The following GRB10 variants were observed in gnomAD, a reference collection of about 807,000 sequenced individuals.
GRB10 encodes growth factor receptor-bound protein 10.
A neutral mutation model predicts 80.9 loss-of-function variants in GRB10; 20 were observed. The ratio of observed to expected loss-of-function variants is 0.25; its 90% confidence interval spans 0.17 to 0.36. GRB10 has a LOEUF of 0.36. Ranked by LOEUF, GRB10 falls within the 10% of genes least tolerant of loss-of-function variation. GRB10 has a pLI of 1.00. For missense variants in GRB10, 548 were observed against 747.7 expected (o/e 0.73, Z 3.12); for synonymous variants, 291 against 291.5 (o/e 1.00, Z 0.02).
chr7:50,606,280 CAT>C, intron 14 of GRB10, 55 bp downstream of exon 14: 1 of 1,339,556 alleles, frequency 7.5e-7, no homozygotes, highest in Non-Finnish European at 1.1e-6. Flanking sequence ...GTCCTTAACA[CAT>C]GTGATGCAGA....
chr7:50,593,215 G>A, intron 18 of GRB10, 117 bp from the exon 19 acceptor site: 5 of 1,172,186 alleles, frequency 4.3e-6, no homozygotes, highest in Non-Finnish European at 6.3e-6. Context: ...GGGACACACA[G>A]GGCAAGGTAG....
intron 4 of GRB10, chr7:50,710,957 C>A: frequency 6.7e-7 from 1 of 1,500,164 alleles, no homozygotes; most frequent in Non-Finnish European, 9.3e-7. Flanking sequence ...GTGGCTGTGT[C>A]CTCAGCCTGC....
At chr7:50,703,045 C>T (rs944121677) in intron 5 of GRB10, among the ~76,000 whole-genome samples, 2 of 152,176 alleles carry the variant, frequency 1.3e-5, no homozygotes, top group Admixed American at 6.5e-5. Flanking sequence ...AAAAGATGAT[C>T]CCAAAATTAT....
chr7:50,607,927 T>G (rs2048823068), intron 13 of GRB10, among the ~76,000 whole-genome samples: 1 of 152,182 alleles, frequency 6.6e-6, no homozygotes, highest in Non-Finnish European at 1.5e-5. Flanking sequence ...CAGCTCTTCT[T>G]TCATGGGATC....
Position 50,670,429 on chromosome 7 carries a change from A to G in GRB10, c.363-566T>C, listed in dbSNP as rs541496903. Among the ~76,000 whole-genome samples, 31 of 151,626 alleles carry G rather than the reference A, an allele frequency of 2.0e-4. 1 individual carries two copies. Among genetic ancestry groups the G allele is most frequent in the South Asian group, 1.5e-3 (7 of 4,788 alleles). Reference sequence around the variant, plus strand: ...GTTAATATGGTAAATTTTATGTTACATGTATTTTACTAAAACGAAAACTTT... The same window carrying G: ...GTTAATATGGTAAATTTTATGTTACGTGTATTTTACTAAAACGAAAACTTT... On this transcript the variant is annotated intron_variant, in intron 6 of 18. Coordinates refer to ENST00000401949, the MANE Select transcript of GRB10 (RefSeq NM_001350814.2).
At chr7:50,672,314 G>A (rs547103122) in intron 6 of GRB10, among the ~76,000 whole-genome samples, 2 of 152,288 alleles carry the variant, frequency 1.3e-5, no homozygotes, top group East Asian at 3.9e-4. Context: ...GCTGTGCCAC[G>A]GTTTCCTCAG....
rs1261111679 is a variant in GRB10, at chr7:50,612,962, G to A, written c.1096-123C>T. On this transcript the variant is annotated intron_variant, in intron 12 of 18. Transcript: ENST00000401949. ...CAGCTGGAGATCCCCCTAGCAAGGA[G>A]CACAGCAGATACACACACACCTGTG... The A allele has an allele frequency of 1.3e-5, 9 of 719,484 alleles. No homozygotes were observed. In the African/African-American group the frequency reaches 1.4e-4, roughly 11 times the overall value. 44.6% of individuals were successfully genotyped at this position (719,484 alleles called of 1,614,324 possible). A position where few individuals can be genotyped will look rare whatever the true frequency, so the allele number is the denominator to read the frequency against.
chr7:50,647,168 T>TA (rs60957260), intron 7 of GRB10, among the ~76,000 whole-genome samples: 40,729 of 152,156 alleles, frequency 0.27, 6,668 homozygotes, highest in Middle Eastern at 0.5. Flanking sequence ...TATCAGTGTC[T>TA]AAATAGAGAC....
At chr7:50,663,604 C>T (rs1193065558) in intron 7 of GRB10, among the ~76,000 whole-genome samples, 4 of 152,264 alleles carry the variant, frequency 2.6e-5, no homozygotes, top group African/African-American at 9.6e-5. Flanking sequence ...TCATACTGGA[C>T]TGCTGACTGG....
chr7:50,666,587 T>TA (rs2059827174), intron 7 of GRB10, among the ~76,000 whole-genome samples: 1 of 152,084 alleles, frequency 6.6e-6, no homozygotes, highest in Non-Finnish European at 1.5e-5. Flanking sequence ...CCACTGCCAC[T>TA]CTCCCACCCT....
chr7:50,755,959 G>A lies in GRB10; in HGVS notation c.-119C>T, dbSNP rs1201742635. Reference sequence around the variant, plus strand: ...GGCTTCACTGAGAGGACCCAGGTGAGGACCTGGCTGCCGGTCACTGGGCTG... The same window carrying A: ...GGCTTCACTGAGAGGACCCAGGTGAAGACCTGGCTGCCGGTCACTGGGCTG... On this transcript the variant is annotated 5_prime_UTR_variant, in exon 3 of 19. Transcript: ENST00000401949. The A allele has an allele frequency of 2.5e-6, 1 of 399,078 alleles. No homozygotes were observed. The highest frequency in any genetic ancestry group is 3.6e-5 in the East Asian group (1 of 28,086). The allele number at this position is 399,078 out of a possible 1,614,324, so 24.7% of individuals were successfully genotyped here.
chr7:50,684,747 A>G (rs1163337740), intron 5 of GRB10, among the ~76,000 whole-genome samples: 2 of 152,238 alleles, frequency 1.3e-5, no homozygotes, highest in African/African-American at 4.8e-5. Context: ...ACATACCCAC[A>G]AAATATTACT....
chr7:50,632,999 C>T (rs987852600), intron 7 of GRB10, among the ~76,000 whole-genome samples: 1 of 152,126 alleles, frequency 6.6e-6, no homozygotes, highest in African/African-American at 2.4e-5. Flanking sequence ...CCTGGGAATC[C>T]CGCCCATGGC....
intron 5 of GRB10, among the ~76,000 whole-genome samples, chr7:50,685,743 C>T (rs770708183): frequency 5.3e-5 from 8 of 152,096 alleles, no homozygotes; most frequent in Non-Finnish European, 1.2e-4. Context: ...GGGCATTCAG[C>T]TCTAAAAAGA....
intron 4 of GRB10, among the ~76,000 whole-genome samples, chr7:50,720,534 C>T (rs1160030222): frequency 1.3e-5 from 2 of 152,196 alleles, no homozygotes; most frequent in Non-Finnish European, 2.9e-5. Flanking sequence ...AGGCACATCC[C>T]GGACGGGGAG....
At chr7:50,703,940 T>C (rs1407327874) in intron 4 of GRB10, 32 bp from the exon 5 acceptor site, 7 of 1,503,632 alleles carry the variant, frequency 4.7e-6, no homozygotes, top group Non-Finnish European at 6.5e-6. Context: ...AGAAAGGCTG[T>C]GAGTTCACAA....
At chr7:50,675,353 C>T (rs896445620) in intron 5 of GRB10, among the ~76,000 whole-genome samples, 2 of 152,172 alleles carry the variant, frequency 1.3e-5, no homozygotes, top group African/African-American at 4.8e-5. Flanking sequence ...CGGCGGAAAA[C>T]GCACTGTAGA....
At chr7:50,736,859 T>G (rs182760892) in intron 3 of GRB10, among the ~76,000 whole-genome samples, 1 of 152,280 alleles carries the variant, frequency 6.6e-6, no homozygotes, top group Non-Finnish European at 1.5e-5. Context: ...GAAGCTGGAC[T>G]CTAAACTTAC....
rs544001039 is a variant in GRB10 at position 50,752,620 on chromosome 7, T to C, written c.-47+3267A>G. ...TCATGATAATGAGCCCTCCCCTGAC[T>C]GCATTCCAAGGGTGAGCAGGGCCAT... On this transcript the variant is annotated intron_variant, in intron 3 of 18. Transcript: ENST00000401949. Among the ~76,000 whole-genome samples, 4 of 152,292 alleles carry C rather than the reference T, an allele frequency of 2.6e-5. No individual in the cohort carries two copies. The South Asian group carries it at 8.3e-4, about 32-fold the overall frequency.
Sources: gnomAD v4.1 joint callset for allele counts (sites outside exome capture counted in the v4.1 genomes callset) on GRCh38, gnomAD v4.1.1 for gene constraint, MANE v1.5 for transcripts, NCBI Gene and HGNC (gene_info 2026-07-23, HGNC 2026-07-21) for gene names.